DPYD: variants seen among roughly 807,000 people sequenced by gnomAD.
DPYD encodes dihydropyrimidine dehydrogenase [NADP(+)].
In DPYD, 109 loss-of-function variants were observed where a neutral mutation model predicts 116.2. The observed-to-expected ratio is 0.94, with a 90% confidence interval of 0.80 to 1.10. The LOEUF is 1.10. DPYD is among the 50% of genes least tolerant of loss of function. The pLI is 0.00. For missense variants in DPYD, 1,302 were observed against 1,254.5 expected, an observed-to-expected ratio of 1.04 and a Z score of -0.57; for synonymous variants, 440 against 432.0, an observed-to-expected ratio of 1.02 and a Z score of -0.23.
chr1:97,446,288 A>G (rs1325944685), intron 14 of DPYD, among the ~76,000 whole-genome samples: 1 of 152,134 alleles, frequency 6.6e-6, no homozygotes, highest in Non-Finnish European at 1.5e-5. Flanking sequence ...TAACCCTATG[A>G]ATTTTGTTTT....
At chr1:97,296,869 T>C (rs12023626) in intron 18 of DPYD, among the ~76,000 whole-genome samples, 2 of 152,084 alleles carry the variant, frequency 1.3e-5, no homozygotes, top group Non-Finnish European at 2.9e-5. Context: ...TATGAATTTT[T>C]AAATGGGTGA....
chr1:97,913,342 A>T (rs1674058698), intron 1 of DPYD, among the ~76,000 whole-genome samples: 1 of 152,132 alleles, frequency 6.6e-6, no homozygotes, highest in African/African-American at 2.4e-5. Context: ...CATTTCCTTA[A>T]TATGAACACA....
chr1:97,243,244 G>A (rs1327596554), intron 18 of DPYD, among the ~76,000 whole-genome samples: 1 of 151,874 alleles, frequency 6.6e-6, no homozygotes, highest in Non-Finnish European at 1.5e-5. Flanking sequence ...TTTTCCAACA[G>A]ATACCAGTGA....
intron 18 of DPYD, among the ~76,000 whole-genome samples, chr1:97,268,344 T>C (rs1664363463): frequency 6.6e-6 from 1 of 152,122 alleles, no homozygotes; most frequent in Non-Finnish European, 1.5e-5. Context: ...CTCACTCCCA[T>C]GGCTCTACTA....
At chr1:97,198,709 G>A (rs1175115478) in intron 19 of DPYD, among the ~76,000 whole-genome samples, 2 of 152,100 alleles carry the variant, frequency 1.3e-5, no homozygotes, top group Non-Finnish European at 2.9e-5. Flanking sequence ...TAACATGTTT[G>A]CTTAGTATAA....
intron 18 of DPYD, among the ~76,000 whole-genome samples, chr1:97,278,916 T>TA (rs199727723): frequency 5.6e-5 from 8 of 143,430 alleles, no homozygotes; most frequent in Admixed American, 4.8e-4. Context: ...TGGTATTTCG[T>TA]AAAAATTTTT....
chr1:97,275,662 T>TAA (rs770118515), intron 18 of DPYD, among the ~76,000 whole-genome samples: 25 of 152,162 alleles, frequency 1.6e-4, no homozygotes, highest in Admixed American at 1.0e-3. Flanking sequence ...GCACACACCT[T>TAA]AAAGGGAGCA....
chr1:97,143,685 G>T (rs1654395559), intron 20 of DPYD, among the ~76,000 whole-genome samples: 1 of 152,082 alleles, frequency 6.6e-6, no homozygotes, highest in Non-Finnish European at 1.5e-5. Flanking sequence ...TGAGTCACAA[G>T]AAATTGCCAT....
At chr1:97,239,627 A>G (rs769806232) in intron 18 of DPYD, among the ~76,000 whole-genome samples, 1 of 152,106 alleles carries the variant, frequency 6.6e-6, no homozygotes, top group Non-Finnish European at 1.5e-5. Context: ...AACAATTCAC[A>G]TTTGTTAGAA....
intron 20 of DPYD, among the ~76,000 whole-genome samples, chr1:97,188,666 A>C (rs986234861): frequency 6.6e-6 from 1 of 152,192 alleles, no homozygotes; most frequent in Non-Finnish European, 1.5e-5. Flanking sequence ...TCATAGACAG[A>C]CTCACAAAAG....
intron 1 of DPYD, among the ~76,000 whole-genome samples, chr1:97,900,690 A>T (rs1263259602): frequency 6.6e-6 from 1 of 151,874 alleles, no homozygotes; most frequent in African/African-American, 2.4e-5. Context: ...AACTGACATA[A>T]TTTTTTTACA....
chr1:97,646,026 G>T (rs1658239389), intron 8 of DPYD, among the ~76,000 whole-genome samples: 1 of 152,048 alleles, frequency 6.6e-6, no homozygotes, highest in Non-Finnish European at 1.5e-5. Flanking sequence ...AGTATGACTT[G>T]ATCATTTTCC....
chr1:97,788,910 C>T (rs1378769608), intron 3 of DPYD, among the ~76,000 whole-genome samples: 2 of 152,062 alleles, frequency 1.3e-5, no homozygotes, highest in South Asian at 2.1e-4. Flanking sequence ...TTCAAGTCAT[C>T]GTCCTACCTA....
intron 12 of DPYD, chr1:97,546,940 G>A (rs2102073650): frequency 2.5e-6 from 4 of 1,607,256 alleles, no homozygotes; most frequent in East Asian, 2.2e-5. Flanking sequence ...GGAAGAAGAG[G>A]AGGAAGAGGA....
intron 13 of DPYD, among the ~76,000 whole-genome samples, chr1:97,480,876 A>C (rs537799993): frequency 1.3e-5 from 2 of 152,122 alleles, no homozygotes; most frequent in Non-Finnish European, 2.9e-5. Context: ...GCTGCTTGAG[A>C]AGCTGAGGTA....
rs1026477728 is a variant in DPYD, at chr1:97,233,486, C to G, written c.2442+1366G>C. Reference sequence around the variant, plus strand: ...TGTGAGACTGCTTGGTGAGGGTGGACGTCTAAGATCCCTACTTGTCCTTTG... The same window carrying G: ...TGTGAGACTGCTTGGTGAGGGTGGAGGTCTAAGATCCCTACTTGTCCTTTG... On this transcript the variant is annotated intron_variant, in intron 19 of 22. Coordinates refer to ENST00000370192, the MANE Select transcript of DPYD (RefSeq NM_000110.4). Among the ~76,000 whole-genome samples, 5 of 152,092 alleles carry G rather than the reference C, an allele frequency of 3.3e-5. No homozygotes were observed. The East Asian group carries it at 9.8e-4, about 30-fold the overall frequency.
chr1:97,488,916 CT>C (rs1678808226), intron 13 of DPYD, among the ~76,000 whole-genome samples: 2 of 152,216 alleles, frequency 1.3e-5, no homozygotes, highest in African/African-American at 4.8e-5. Flanking sequence ...GGCACACTCT[CT>C]ATGGGGTAGC....
chr1:97,595,946 T>C (rs548297734), intron 8 of DPYD, among the ~76,000 whole-genome samples: 1 of 152,210 alleles, frequency 6.6e-6, no homozygotes, highest in Non-Finnish European at 1.5e-5. Flanking sequence ...AGGGTAGACA[T>C]GGAACTTGTC....
At chr1:97,842,962 C>T (rs972006251) in intron 2 of DPYD, among the ~76,000 whole-genome samples, 3 of 152,024 alleles carry the variant, frequency 2.0e-5, no homozygotes, top group Non-Finnish European at 4.4e-5. Context: ...TGTTAAATCC[C>T]ATCTTCTTGT....
Sources: allele counts gnomAD v4.1 joint callset (sites outside exome capture counted in the v4.1 genomes callset), GRCh38; gene constraint gnomAD v4.1.1; transcripts MANE v1.5; gene names NCBI Gene and HGNC (gene_info 2026-07-23, HGNC 2026-07-21).